LSM14A: variants seen among roughly 807,000 people sequenced by gnomAD.
LSM14A encodes the protein protein LSM14 homolog A.
A neutral mutation model predicts 52.4 loss-of-function variants in LSM14A; 14 were observed. The observed-to-expected ratio is 0.27, with a 90% CI of 0.18 to 0.42. LSM14A has a LOEUF of 0.42. Ranked by LOEUF, LSM14A falls within the 10% of genes least tolerant of loss-of-function variation. The pLI, the probability that LSM14A is intolerant of heterozygous loss-of-function variation, is 1.00. For missense variants in LSM14A, 417 were observed against 581.8 expected (o/e 0.72, Z 2.91); for synonymous variants, 185 against 200.3 (o/e 0.92, Z 0.64).
chr19:34,192,331 T>G (rs1374643995), intron 1 of LSM14A, among the ~76,000 whole-genome samples: 2 of 130,206 alleles, frequency 1.5e-5, no homozygotes, highest in Non-Finnish European at 3.4e-5. Context: ...TTTTTTTTTT[T>G]TTTTTTTTTT....
chr19:34,221,898 A>G, intron 9 of LSM14A, 160 bp downstream of exon 9: 9 of 1,370,132 alleles, frequency 6.6e-6, no homozygotes, highest in Non-Finnish European at 8.6e-6. Context: ...AGATGTATAT[A>G]TAAAGACATT....
At chr19:34,173,252 T>C (rs1188107506) in intron 1 of LSM14A, among the ~76,000 whole-genome samples, 2 of 152,232 alleles carry the variant, frequency 1.3e-5, no homozygotes, top group Admixed American at 1.3e-4. Flanking sequence ...ACTTTGGGTT[T>C]GCTCTGCGAC....
chr19:34,225,954 C>T (rs555447470), intron 9 of LSM14A, among the ~76,000 whole-genome samples: 4 of 151,902 alleles, frequency 2.6e-5, no homozygotes, highest in African/African-American at 9.7e-5. Flanking sequence ...CCCAGCTACT[C>T]AGGAGGCTAA....
intron 9 of LSM14A, among the ~76,000 whole-genome samples, chr19:34,225,140 A>T (rs1374373434): frequency 3.3e-5 from 5 of 152,222 alleles, no homozygotes; most frequent in Non-Finnish European, 7.3e-5. Flanking sequence ...GACAACACTC[A>T]GCTCAACATG....
At chr19:34,222,459 T>C (rs1568503195) in intron 9 of LSM14A, among the ~76,000 whole-genome samples, 2 of 152,218 alleles carry the variant, frequency 1.3e-5, no homozygotes, top group East Asian at 3.8e-4. Context: ...ATAGTAACTA[T>C]CTCAGTTAAC....
chr19:34,227,592 T>G lies in LSM14A; in HGVS notation c.*204T>G. On this transcript the variant is annotated 3_prime_UTR_variant, in exon 10 of 10. Coordinates refer to ENST00000544216, the MANE Select transcript of LSM14A (RefSeq NM_015578.4). ...GGGGTGGAAGGCTCATCTTAAAACA[T>G]GAGCATTAAATATATTTGGAATAGC... The G allele has an allele frequency of 2.0e-6, 1 of 492,370 alleles. No homozygotes were observed. The highest frequency in any genetic ancestry group is 3.6e-6 in the Non-Finnish European group (1 of 277,678). 30.5% of individuals were successfully genotyped at this position (492,370 alleles called of 1,614,324 possible).
intron 1 of LSM14A, among the ~76,000 whole-genome samples, chr19:34,183,890 G>A (rs1363307114): frequency 6.6e-6 from 1 of 152,116 alleles, no homozygotes; most frequent in South Asian, 2.1e-4. Flanking sequence ...TTCACCCACT[G>A]TAAGTGTGCG....
At chr19:34,221,986 A>G (rs1043647436) in intron 9 of LSM14A, 1 of 371,964 alleles carries the variant, frequency 2.7e-6, no homozygotes, top group Non-Finnish European at 3.7e-6. Context: ...GAGTCTATCT[A>G]GGAAGCACAT....
In LSM14A at chr19:34,227,503, A is replaced by C. The variant is rs2073403095; in HGVS notation, c.*115A>C. On this transcript the variant is annotated 3_prime_UTR_variant, in exon 10 of 10. Transcript: ENST00000544216. The stretch of plus-strand genomic sequence containing the variant: ...AATTCGCTGTACATTTGTCACCAGC[A>C]CTGGGTTTTTGTTTTTTGTTTGTTT... 2.5e-6 allele frequency: 2 copies of C among 796,092 alleles called. No individual in the cohort carries two copies. Among genetic ancestry groups the C allele is most frequent in the Non-Finnish European group, 3.9e-6 (2 of 506,420 alleles). 49.3% of individuals were successfully genotyped at this position (796,092 alleles called of 1,614,324 possible).
At chr19:34,221,204 C>T (rs1170819161) in intron 8 of LSM14A, 2 of 324,182 alleles carry the variant, frequency 6.2e-6, no homozygotes, top group Non-Finnish European at 1.2e-5. Flanking sequence ...TGCCTCAACC[C>T]CCCAAGTAGC....
intron 1 of LSM14A, among the ~76,000 whole-genome samples, chr19:34,192,810 G>A (rs1036884727): frequency 9.9e-5 from 15 of 151,444 alleles, no homozygotes; most frequent in African/African-American, 2.7e-4. Flanking sequence ...CCCCATCTCC[G>A]CTAAAAAAAA....
intron 1 of LSM14A, among the ~76,000 whole-genome samples, chr19:34,183,623 T>C (rs555134372): frequency 1.3e-5 from 2 of 152,060 alleles, no homozygotes; most frequent in African/African-American, 4.8e-5. Context: ...TCAACACAGT[T>C]TGGAAGGCTG....
chr19:34,181,769 A>G (rs1211001051), intron 1 of LSM14A, among the ~76,000 whole-genome samples: 4 of 152,056 alleles, frequency 2.6e-5, no homozygotes, highest in African/African-American at 4.8e-5. Flanking sequence ...CCTGGTTTCA[A>G]ATACTACCTG....
chr19:34,175,644 A>G (rs772802520), intron 1 of LSM14A, among the ~76,000 whole-genome samples: 5 of 152,232 alleles, frequency 3.3e-5, no homozygotes, highest in Non-Finnish European at 7.3e-5. Flanking sequence ...GATATTATCT[A>G]ATCGAAAACT....
intron 9 of LSM14A, chr19:34,221,960 A>T: frequency 1.7e-6 from 1 of 599,088 alleles, no homozygotes; most frequent in Non-Finnish European, 2.1e-6. Flanking sequence ...AACAGAATAT[A>T]CTTTTAACAC....
intron 3 of LSM14A, among the ~76,000 whole-genome samples, chr19:34,205,074 G>A (rs1376602499): frequency 1.3e-5 from 2 of 152,170 alleles, no homozygotes; most frequent in Non-Finnish European, 2.9e-5. Flanking sequence ...AGAGGTTGCA[G>A]TGAGCCAAGA....
chr19:34,214,027 C>A (rs2072370032), intron 4 of LSM14A, among the ~76,000 whole-genome samples: 1 of 152,106 alleles, frequency 6.6e-6, no homozygotes, highest in Non-Finnish European at 1.5e-5. Context: ...AAGCGATCTG[C>A]CCATCTCAGC....
At chr19:34,208,252 A>G (rs540110516) in intron 3 of LSM14A, 1 of 152,366 alleles carries the variant, frequency 6.6e-6, no homozygotes, top group South Asian at 2.1e-4. Context: ...CTGTTGAAAT[A>G]TAGTGAAAAC....
At chr19:34,192,319 G>GTTGTTTT (rs60512063) in intron 1 of LSM14A, among the ~76,000 whole-genome samples, 22 of 53,404 alleles carry the variant, frequency 4.1e-4, no homozygotes, top group African/African-American at 1.5e-3. Context: ...TCTTTTTGTT[G>GTTGTTTT]TTTTTTTTTT....
Sources: allele counts gnomAD v4.1 joint callset (sites outside exome capture counted in the v4.1 genomes callset), GRCh38; gene constraint gnomAD v4.1.1; transcripts MANE v1.5; gene names NCBI Gene and HGNC (gene_info 2026-07-23, HGNC 2026-07-21).